Variants in CCDC17 observed in about 807,000 individuals in gnomAD.
CCDC17 encodes the protein coiled-coil domain-containing protein 17.
CCDC17 carries 79 observed loss-of-function variants against 68.0 expected under a neutral mutation model. That is an observed-to-expected ratio of 1.16 (90% CI 0.97 to 1.40). The LOEUF (loss-of-function observed/expected upper bound fraction) is 1.40, where lower values mean the gene tolerates loss of function less well. CCDC17 is among the 40% of genes most tolerant of loss of function. CCDC17 has a pLI of 0.00. For synonymous variants in CCDC17, 376 were observed against 337.5 expected, an observed-to-expected ratio of 1.11 and a Z score of -1.25; for missense variants, 846 against 811.5, an observed-to-expected ratio of 1.04 and a Z score of -0.52.
In CCDC17 at chr1:45,620,161, A is replaced by G. The variant is rs985504711; in HGVS notation, c.*114T>C. The stretch of plus-strand genomic sequence containing the variant: ...GGTTGGAACTGGTTTTCTGTACTCA[A>G]CTGCTAGATGCTTCTAGACCCAATG... On this transcript the variant is annotated 3_prime_UTR_variant, in exon 13 of 13. Transcript: ENST00000528266. The G allele has an allele frequency of 8.1e-7, 1 of 1,235,650 alleles. No individual in the cohort carries two copies. Among genetic ancestry groups the G allele is most frequent in the Non-Finnish European group, 1.1e-6 (1 of 909,708 alleles). The allele number at this position is 1,235,650 out of a possible 1,614,324, so 76.5% of individuals were successfully genotyped here.
chr1:45,620,734 A>G lies in CCDC17; in HGVS notation c.1699T>C (p.Tyr567His), dbSNP rs1321706531. The G allele has an allele frequency of 2.5e-6, 4 of 1,604,388 alleles. No homozygotes were observed. The highest frequency in any genetic ancestry group is 2.2e-5 in the East Asian group (1 of 44,582). ...INPASVHEYQ[Y>H]PPPVSSTSSL... ...AGCTGGGCCCTCACCGGAGGTGGGT[A>G]CTGGTACTCATGGACACTTGCTGGA... The change falls in exon 12 of 13, where the codon TAC becomes CAC. Residue 567 changes from tyrosine (Y) to histidine (H), a missense_variant. Transcript: ENST00000528266.
At chr1:45,621,520 C>G (rs1273505876) in intron 9 of CCDC17, 36 bp from the exon 10 acceptor site, 1 of 1,572,596 alleles carries the variant, frequency 6.4e-7, no homozygotes, top group African/African-American at 1.4e-5. Flanking sequence ...AAATACCCAA[C>G]TCCTTTCAAC....
At chr1:45,622,124 C>G in intron 7 of CCDC17, 117 bp downstream of exon 7, 1 of 1,268,598 alleles carries the variant, frequency 7.9e-7, no homozygotes. Context: ...TACACACGTG[C>G]AGACATGAAC....
Position 45,621,366 on chromosome 1 carries a change from G to A in CCDC17, c.1303C>T (p.Pro435Ser). The change falls in exon 10 of 13, where the codon CCC becomes TCC. Residue 435 changes from proline (P) to serine (S), a missense_variant. Physicochemically the swap from Pro to Ser is moderately conservative, Grantham distance 74 (BLOSUM62 -1). Coordinates refer to ENST00000528266, the MANE Select transcript of CCDC17 (RefSeq NM_001114938.3). The stretch of plus-strand genomic sequence containing the variant: ...GGTGGGGGCAGGCAAAGGGCTGGGG[G>A]CAACGCTGTGGTCCTTCCTGTATCC... ...GRDTGRTTAL[P>S]PALCLPPPPA... 6.3e-7 allele frequency: 1 copy of A among 1,590,328 alleles called. No homozygotes were observed. The highest frequency in any genetic ancestry group is 8.6e-7 in the Non-Finnish European group (1 of 1,168,572).
chr1:45,622,911 C>CA (rs1557680224), intron 4 of CCDC17, 44 bp downstream of exon 4: 1 of 1,578,288 alleles, frequency 6.3e-7, no homozygotes, highest in Admixed American at 1.8e-5. Flanking sequence ...GCCCCTCCCA[C>CA]CCCGGAGCCG....
chr1:45,622,990 C>G lies in CCDC17; in HGVS notation c.621G>C (p.Leu207Phe). Reference protein sequence around the residue: ...AGRTRGALEVLGARIQELQAE... With the variant: ...AGRTRGALEVFGARIQELQAE... ...CCTGCAGCTCCTGAATGCGGGCCCC[C>G]AACACCTCTAGAGCTCCCCGCGTCC... Residue 207 changes from leucine to phenylalanine, a missense_variant, in exon 4 of 13, where the codon TTG (leucine) becomes TTC (phenylalanine). Physicochemically the swap from Leu to Phe is conservative, Grantham distance 22 (BLOSUM62 0). Transcript: ENST00000528266. 6.2e-7 allele frequency: 1 copy of G among 1,608,770 alleles called. No individual in the cohort carries two copies. Among genetic ancestry groups the G allele is most frequent in the Non-Finnish European group, 8.5e-7 (1 of 1,177,132 alleles).
chr1:45,621,824 T>TC (rs1028776721), intron 8 of CCDC17, 53 bp downstream of exon 8: 18 of 1,594,288 alleles, frequency 1.1e-5, no homozygotes, highest in East Asian at 1.1e-4. Context: ...TCCAACCTGT[T>TC]CCCCCAACCC....
rs1427726030 is a variant in CCDC17 at position 45,622,663 on chromosome 1, G to A, written c.745C>T (p.Leu249=). ...CCGTCTCGAATGTAGGCCTCCCGCA[G>A]CGCCCTAGGGAGTGGGGAACAGGAA... The part of the protein sequence containing the change: ...PGTLAAEIRA[L]REAYIRDGGR... The change falls in exon 6 of 13, where the codon CTG becomes TTG. Residue 249 remains leucine, a synonymous_variant. Transcript: ENST00000528266. 4 of 1,554,522 alleles carry A rather than the reference G, an allele frequency of 2.6e-6. No individual in the cohort carries two copies. In the Admixed American group the frequency reaches 7.8e-5, roughly 30 times the overall value.
intron 12 of CCDC17, 21 bp from the exon 13 acceptor site, chr1:45,620,454 G>A: frequency 6.5e-7 from 1 of 1,531,700 alleles, no homozygotes; most frequent in South Asian, 1.2e-5. Context: ...GGAGAAGGCA[G>A]GTTTTGAGCA....
At chr1:45,620,859 A>C (rs1331714148) in intron 11 of CCDC17, 26 bp from the exon 12 acceptor site, 5 of 1,610,652 alleles carry the variant, frequency 3.1e-6, no homozygotes, top group Non-Finnish European at 3.4e-6. Flanking sequence ...ATGGTATTGC[A>C]CTTGTACTTT....
rs1557673021 is a variant in CCDC17 at position 45,620,346 on chromosome 1, TGA to T, written c.1796_1797del (p.Leu599GlnfsTer6). On this transcript the variant is annotated frameshift_variant, in exon 13 of 13. Coordinates refer to ENST00000528266, the MANE Select transcript of CCDC17 (RefSeq NM_001114938.3). LOFTEE classifies it low-confidence loss of function (END_TRUNC). ...CCCTCATCTCTATCCTTGACTCCACTGAGGGGCTCTTCTGTACGAGGTGGGGG... is the reference window on the plus strand; with the variant it reads ...CCCTCATCTCTATCCTTGACTCCACTGGGGCTCTTCTGTACGAGGTGGGGG... ...ADPPPRTEEP[L>X]SGVKDRDEGL... 2 of 1,608,286 alleles carry T rather than the reference TGA, an allele frequency of 1.2e-6. No homozygotes were observed. The highest frequency in any genetic ancestry group is 1.7e-4 in the Middle Eastern group (1 of 6,050).
rs1336756354 is a variant in CCDC17 at position 45,620,307 on chromosome 1, G to A, written c.1837C>T (p.His613Tyr). Residue 613 changes from histidine (H) to tyrosine (Y), a missense_variant, in exon 13 of 13, where the codon CAC (histidine) becomes TAC (tyrosine). Physicochemically the swap from His to Tyr is moderately conservative, Grantham distance 83 (BLOSUM62 2). Coordinates refer to ENST00000528266, the MANE Select transcript of CCDC17 (RefSeq NM_001114938.3). ...KDRDEGLGPH[H>Y]SSDLPPVSF ...CTCACTGGGGGCAAGTCAGAACTGT[G>A]GTGAGGGCCCAAACCCTCATCTCTA... The A allele has an allele frequency of 1.9e-6, 3 of 1,609,964 alleles. No homozygotes were observed. The highest frequency in any genetic ancestry group is 2.5e-6 in the Non-Finnish European group (3 of 1,178,758).
In CCDC17 at chr1:45,623,379, C is replaced by T; in HGVS notation, c.331G>A (p.Val111Met). ...MRPWITEVPR[V>M]FAGPWTRSEA... ...GAACGTGTCCAGGGCCCCGCGAACA[C>T]CCTGGGGACCTCTGTTATCCAGGGC... Residue 111 changes from valine to methionine, a missense_variant, in exon 3 of 13, where the codon GTG becomes ATG. Transcript: ENST00000528266. 6.4e-7 allele frequency: 1 copy of T among 1,550,710 alleles called. No homozygotes were observed. Among genetic ancestry groups the T allele is most frequent in the Non-Finnish European group, 8.7e-7 (1 of 1,146,996 alleles).
Position 45,623,038 on chromosome 1 carries a change from TC to T in CCDC17, c.572del (p.Arg191GlnfsTer14), listed in dbSNP as rs909233414. 2 of 1,612,400 alleles carry T rather than the reference TC, an allele frequency of 1.2e-6. No individual in the cohort carries two copies. The highest frequency in any genetic ancestry group is 2.7e-5 in the African/African-American group (2 of 74,882). On this transcript the variant is annotated frameshift_variant, in exon 4 of 13. Coordinates refer to ENST00000528266, the MANE Select transcript of CCDC17 (RefSeq NM_001114938.3). LOFTEE classifies it high-confidence loss of function. ...TCCTCCCGGCCTCAGCTTGTAGTTC[TC>T]GAATCTCCTGCTCCAGGCCGAAGAG... ...SRLFGLEQEI[R>X]ELQAEAGRTR...
chr1:45,621,456 G>T lies in CCDC17; in HGVS notation c.1213C>A (p.Leu405Met), dbSNP rs751771651. 6.3e-7 allele frequency: 1 copy of T among 1,593,068 alleles called. No homozygotes were observed. The highest frequency in any genetic ancestry group is 1.8e-5 in the Admixed American group (1 of 56,662). The change falls in exon 10 of 13, where the codon CTG becomes ATG. Residue 405 changes from leucine (L) to methionine (M), a missense_variant. Leu to Met is a conservative substitution (Grantham distance 15, BLOSUM62 2). Transcript: ENST00000528266. ...GAGLVIFYDF[L>M]RGLEASWIWV... ...ATCCAGGAAGCCTCAAGGCCCCGCA[G>T]GAAATCATAGAAAATGACCAGGCCA...
chr1:45,621,997 T>C lies in CCDC17; in HGVS notation c.968-2A>G. On this transcript the variant is annotated splice_acceptor_variant, in intron 7 of 12. Transcript: ENST00000528266. LOFTEE classifies it high-confidence loss of function. Reference sequence around the variant, plus strand: ...CCAGGAGTCGCAGATCCTGGGGCCCTAGGAGCAGAAGAGTTAGGGTGCCCC... The same window carrying C: ...CCAGGAGTCGCAGATCCTGGGGCCCCAGGAGCAGAAGAGTTAGGGTGCCCC... The C allele has an allele frequency of 6.2e-7, 1 of 1,601,394 alleles. No homozygotes were observed. Among genetic ancestry groups the C allele is most frequent in the South Asian group, 1.1e-5 (1 of 88,832 alleles).
In CCDC17 at chr1:45,620,823, G is replaced by C. The variant is rs1644226001; in HGVS notation, c.1610C>G (p.Ala537Gly). ...ATTCACCAGCCGCAGAAAGAGCTCA[G>C]CCTGACCTGCCTGGGGAGAGATGAA... ...QLNGIPQAGQ[A>G]ELFLRLVNAR... Residue 537 changes from alanine (A) to glycine (G), a missense_variant, in exon 12 of 13, where the codon GCT becomes GGT. Coordinates refer to ENST00000528266, the MANE Select transcript of CCDC17 (RefSeq NM_001114938.3). 2 of 1,610,674 alleles carry C rather than the reference G, an allele frequency of 1.2e-6. No homozygotes were observed. The highest frequency in any genetic ancestry group is 2.7e-5 in the African/African-American group (2 of 74,916).
chr1:45,623,577 G>A lies in CCDC17; in HGVS notation c.250C>T (p.Leu84=), dbSNP rs2148399677. 5 of 1,550,146 alleles carry A rather than the reference G, an allele frequency of 3.2e-6. No homozygotes were observed. The highest frequency in any genetic ancestry group is 3.5e-6 in the Non-Finnish European group (4 of 1,146,866). ...TCTACCTCCTCTGTTAACCTCTTTA[G>A]AGCAGATCTACTGGCCTGCTGGTCT... ...LPDQQASRSA[L]KRLTEEVQWL... is the part of the protein sequence containing the mutation. Residue 84 remains leucine (L), a synonymous_variant, in exon 2 of 13, where the codon CTA becomes TTA. Transcript: ENST00000528266.
At chr1:45,622,060 T>C (rs1439553669) in intron 7 of CCDC17, 65 bp from the exon 8 acceptor site, 4 of 1,485,528 alleles carry the variant, frequency 2.7e-6, no homozygotes, top group Non-Finnish European at 1.8e-6. Context: ...GAGATACCCC[T>C]CCCCCAAGAG....
Sources: gnomAD v4.1 joint callset for allele counts on GRCh38, gnomAD v4.1.1 for gene constraint, MANE v1.5 for transcripts, NCBI Gene and HGNC (gene_info 2026-07-23, HGNC 2026-07-21) for gene names.